The following DPP10 variants were observed in gnomAD, a reference collection of about 807,000 sequenced individuals.
The protein encoded by DPP10 is dipeptidyl peptidase like 10, also known as inactive dipeptidyl peptidase 10.
A neutral mutation model predicts 120.9 loss-of-function variants in DPP10; 33 were observed. The ratio of observed to expected loss-of-function variants is 0.27; its 90% CI spans 0.21 to 0.37. The LOEUF is 0.37. DPP10 is among the 10% of genes least tolerant of loss of function. DPP10 has a pLI of 1.00. For missense variants in DPP10, 816 were observed against 942.8 expected (o/e 0.87, Z 1.76); for synonymous variants, 337 against 326.1 (o/e 1.03, Z -0.36).
At chr2:114,569,551 C>T (rs2105002665) in intron 1 of DPP10, among the ~76,000 whole-genome samples, 1 of 152,294 alleles carries the variant, frequency 6.6e-6, no homozygotes, top group African/African-American at 2.4e-5. Context: ...CAAATTGCCT[C>T]ACATCTTCTC....
chr2:115,057,872 C>G (rs1706057275), intron 1 of DPP10, among the ~76,000 whole-genome samples: 1 of 152,160 alleles, frequency 6.6e-6, no homozygotes, highest in South Asian at 2.1e-4. Context: ...TAGGCCAGAC[C>G]TTCCAGTCTA....
chr2:115,039,216 T>C, intron 1 of DPP10, among the ~76,000 whole-genome samples: 1 of 152,302 alleles, frequency 6.6e-6, no homozygotes, highest in East Asian at 1.9e-4. Flanking sequence ...TTGGAAATGA[T>C]GGACAGAAAG....
rs537630931 is a variant in DPP10, at chr2:114,900,485, T to G, written c.61-408754T>G. ...TAAGGAAATTGAACACATATTTATG[T>G]TTCTCAGAAATTTGGATTTTCTCAT... On this transcript the variant is annotated intron_variant, in intron 1 of 25. Coordinates refer to ENST00000410059, the MANE Select transcript of DPP10 (RefSeq NM_020868.6). Among the ~76,000 whole-genome samples the G allele has an allele frequency of 2.2e-3, 336 of 152,372 alleles. 1 individual carries two copies. The highest frequency in any genetic ancestry group is 7.7e-3 in the African/African-American group (322 of 41,592).
intron 1 of DPP10, chr2:115,161,164 A>G: frequency 6.5e-6 from 1 of 152,718 alleles, no homozygotes; most frequent in Non-Finnish European, 1.5e-5. Context: ...CTGGATTCGG[A>G]AGGCGCAGCT....
At chr2:115,695,747 G>T (rs558089328) in intron 7 of DPP10, among the ~76,000 whole-genome samples, 3 of 151,998 alleles carry the variant, frequency 2.0e-5, no homozygotes, top group African/African-American at 7.2e-5. Flanking sequence ...CAAATTGTCT[G>T]GTTTTCAACA....
chr2:115,712,818 A>C (rs1246485231), intron 7 of DPP10, among the ~76,000 whole-genome samples: 1 of 151,864 alleles, frequency 6.6e-6, no homozygotes, highest in Non-Finnish European at 1.5e-5. Flanking sequence ...AAATGAAAAA[A>C]ATGAAATATG....
chr2:114,507,104 G>A (rs1417438608), intron 1 of DPP10, among the ~76,000 whole-genome samples: 1 of 147,710 alleles, frequency 6.8e-6, no homozygotes, highest in African/African-American at 2.5e-5. Flanking sequence ...CTGGAGTACA[G>A]TGGTGTGATC....
chr2:115,630,123 CCCTT>C (rs1282980857), intron 5 of DPP10, among the ~76,000 whole-genome samples: 2 of 152,116 alleles, frequency 1.3e-5, no homozygotes, highest in Non-Finnish European at 2.9e-5. Flanking sequence ...TCCTTCACCT[CCCTT>C]GTTAGCTGTA....
chr2:114,983,815 A>T (rs1035162111), intron 1 of DPP10, among the ~76,000 whole-genome samples: 1 of 152,204 alleles, frequency 6.6e-6, no homozygotes, highest in African/African-American at 2.4e-5. Context: ...TTGGAGGTTG[A>T]TCCCCTTATC....
chr2:115,618,653 T>G (rs1272085512), intron 5 of DPP10, among the ~76,000 whole-genome samples: 1 of 152,134 alleles, frequency 6.6e-6, no homozygotes, highest in African/African-American at 2.4e-5. Flanking sequence ...CACATACAAA[T>G]CCGTTTATAT....
rs529975120 is a variant in DPP10 at position 115,164,347 on chromosome 2, T to G, written c.61-144892T>G. ...AGCTTTTATTAGCCATATTAGTCAT[T>G]ATGGTTTAATTCTGCAATTGCCACA... is the stretch of plus-strand genomic sequence containing the variant. On this transcript the variant is annotated intron_variant, in intron 1 of 25. Transcript: ENST00000410059. Among the ~76,000 whole-genome samples the G allele has an allele frequency of 7.2e-5, 11 of 152,040 alleles. No homozygotes were observed. In the South Asian group the frequency reaches 2.3e-3, roughly 32 times the overall value.
chr2:115,522,590 A>G (rs1263019242), intron 4 of DPP10, among the ~76,000 whole-genome samples: 1 of 152,172 alleles, frequency 6.6e-6, no homozygotes, highest in Non-Finnish European at 1.5e-5. Context: ...AATCACCTGC[A>G]TATTTGCTTT....
chr2:114,898,034 A>T (rs771587358), intron 1 of DPP10, among the ~76,000 whole-genome samples: 17 of 152,198 alleles, frequency 1.1e-4, no homozygotes, highest in Non-Finnish European at 2.1e-4. Flanking sequence ...TGCTGCTATA[A>T]AGACACATGC....
At chr2:114,947,913 C>T (rs997485780) in intron 1 of DPP10, among the ~76,000 whole-genome samples, 1 of 151,732 alleles carries the variant, frequency 6.6e-6, no homozygotes, top group African/African-American at 2.4e-5. Flanking sequence ...CATAAGTCTC[C>T]CCTCCCCACC....
rs567867238 is a variant in DPP10 at position 115,568,328 on chromosome 2, C to A, written c.441+42356C>A. ...TGAAACCCCATGTCTAGGAAAAATA[C>A]AAAAGTTAGCCAGGGGTTTTGGTGT... is the stretch of plus-strand genomic sequence containing the variant. On this transcript the variant is annotated intron_variant, in intron 5 of 25. Transcript: ENST00000410059. 5.9e-5 allele frequency among the ~76,000 whole-genome samples: 9 copies of A among 151,782 alleles called. No individual in the cohort carries two copies. The East Asian group carries it at 1.8e-3, about 30-fold the overall frequency.
intron 1 of DPP10, among the ~76,000 whole-genome samples, chr2:114,513,796 C>A (rs1237785332): frequency 6.6e-6 from 1 of 152,182 alleles, no homozygotes; most frequent in Middle Eastern, 3.4e-3. Context: ...ATATTGAGAA[C>A]CTCTTGCATA....
intron 1 of DPP10, among the ~76,000 whole-genome samples, chr2:114,955,000 A>G (rs1052361647): frequency 6.6e-6 from 1 of 152,202 alleles, no homozygotes; most frequent in East Asian, 1.9e-4. Context: ...CCCGAAACAA[A>G]TGGCTTTGTT....
chr2:114,513,623 AAAAGAAAGAAAGAAAG>A (rs61159493), intron 1 of DPP10, among the ~76,000 whole-genome samples: 1 of 150,372 alleles, frequency 6.7e-6, no homozygotes, highest in East Asian at 2.0e-4. Context: ...GAAGGGAGGA[AAAAGAAAGAAAGAAAG>A]AAAGAAAGAA....
chr2:115,757,751 T>C (rs1679605577), intron 11 of DPP10, among the ~76,000 whole-genome samples: 1 of 148,860 alleles, frequency 6.7e-6, no homozygotes, highest in Admixed American at 6.9e-5. Context: ...GAACTTAAGA[T>C]TGGTTTAATA....
Sources: allele counts gnomAD v4.1 joint callset (sites outside exome capture counted in the v4.1 genomes callset), GRCh38; gene constraint gnomAD v4.1.1; transcripts MANE v1.5; gene names NCBI Gene and HGNC (gene_info 2026-07-23, HGNC 2026-07-21).